RAP1GAP2: variants seen among roughly 807,000 people sequenced by gnomAD.
RAP1GAP2 encodes RAP1 GTPase activating protein 2.
Under a neutral mutation model 95.0 loss-of-function variants are expected in RAP1GAP2, and 27 were observed. The ratio of observed to expected loss-of-function variants is 0.28; its 90% CI spans 0.21 to 0.39. The LOEUF is 0.39. RAP1GAP2 is among the 10% of genes least tolerant of loss of function. RAP1GAP2 has a pLI of 1.00. For synonymous variants in RAP1GAP2, 373 were observed against 380.9 expected (o/e 0.98, Z 0.24); for missense variants, 771 against 970.0 (o/e 0.79, Z 2.72).
chr17:2,860,857 C>G (rs2072354771), intron 2 of RAP1GAP2, among the ~76,000 whole-genome samples: 1 of 152,032 alleles, frequency 6.6e-6, no homozygotes, highest in Non-Finnish European at 1.5e-5. Flanking sequence ...CCTCCTACCT[C>G]AGTCTCCCAA....
chr17:2,951,900 G>T (rs2043936861), intron 3 of RAP1GAP2, among the ~76,000 whole-genome samples: 1 of 151,996 alleles, frequency 6.6e-6, no homozygotes, highest in African/African-American at 2.4e-5. Flanking sequence ...TGGGTTTGGT[G>T]GTGGGCGCCT....
intron 7 of RAP1GAP2, chr17:2,964,659 A>G (rs2044510353): frequency 6.5e-6 from 1 of 153,702 alleles, no homozygotes; most frequent in South Asian, 2.0e-4. Flanking sequence ...CTGTTCGAGG[A>G]AAAATGTGTT....
chr17:2,989,881 C>T (rs1174458349), intron 11 of RAP1GAP2, among the ~76,000 whole-genome samples: 2 of 152,154 alleles, frequency 1.3e-5, no homozygotes, highest in Non-Finnish European at 2.9e-5. Context: ...ACCCCACACT[C>T]ACCAGCAGGC....
chr17:2,957,456 G>C (rs949057162), intron 3 of RAP1GAP2, among the ~76,000 whole-genome samples: 1 of 152,256 alleles, frequency 6.6e-6, no homozygotes, highest in Non-Finnish European at 1.5e-5. Flanking sequence ...ATAGGCGTTT[G>C]CAGAATTTGG....
rs2072680162 is a variant in RAP1GAP2, at chr17:2,867,913, C to G, written c.81-37371C>G. Among the ~76,000 whole-genome samples, 1 of 152,162 alleles carries G rather than the reference C, an allele frequency of 6.6e-6. No homozygotes were observed. Among genetic ancestry groups the G allele is most frequent in the African/African-American group, 2.4e-5 (1 of 41,446 alleles). On this transcript the variant is annotated intron_variant, in intron 2 of 24. Transcript: ENST00000254695. The surrounding 1 kb of genome is among the most constrained non-coding windows in gnomAD (Gnocchi z 4.5). ...TTGGCTGGATGAGGTGTGCTTTCTT[C>G]TTCACGGATGCAGCTCGCGGGATCC... is the stretch of plus-strand genomic sequence containing the variant.
At chr17:2,779,654 G>A (rs1441749532) in intron 1 of RAP1GAP2, among the ~76,000 whole-genome samples, 2 of 152,172 alleles carry the variant, frequency 1.3e-5, no homozygotes, top group African/African-American at 4.8e-5. Context: ...AGAGGAGGGC[G>A]AGGGGAGAGG....
rs561889950 is a variant in RAP1GAP2, at chr17:2,796,865, T to C, written c.44+294T>C. Among the ~76,000 whole-genome samples, 23 of 151,786 alleles carry C rather than the reference T, an allele frequency of 1.5e-4. No homozygotes were observed. ...GCAGTTGAATGTGTGTGTCTCTGTG[T>C]CCGCAGGTTCCCATGTATGTGTGTG... is the stretch of plus-strand genomic sequence containing the variant. On this transcript the variant is annotated intron_variant, in intron 1 of 24. Transcript: ENST00000254695. The surrounding 1 kb of genome is among the most constrained non-coding windows in gnomAD (Gnocchi z 4.7).
intron 8 of RAP1GAP2, among the ~76,000 whole-genome samples, chr17:2,978,498 A>G (rs1166793288): frequency 6.6e-6 from 1 of 152,178 alleles, no homozygotes; most frequent in Admixed American, 6.5e-5. Flanking sequence ...AGATTTCATC[A>G]TGCTATTCAG....
intron 2 of RAP1GAP2, among the ~76,000 whole-genome samples, chr17:2,849,590 C>G (rs1046195024): frequency 6.6e-6 from 1 of 152,210 alleles, no homozygotes; most frequent in African/African-American, 2.4e-5. Context: ...TGTCTCCCGC[C>G]CCAGGCCTGA....
chr17:2,994,705 G>T (rs1407409406), intron 12 of RAP1GAP2, among the ~76,000 whole-genome samples: 4 of 152,250 alleles, frequency 2.6e-5, no homozygotes, highest in Admixed American at 2.0e-4. Flanking sequence ...TGGCACCGGG[G>T]ATGGGCATTT....
At chr17:2,888,297 T>C (rs997526094) in intron 2 of RAP1GAP2, among the ~76,000 whole-genome samples, 1 of 152,346 alleles carries the variant, frequency 6.6e-6, no homozygotes, top group South Asian at 2.1e-4. Flanking sequence ...TCTGCTCTTC[T>C]GGCTATTTGA....
chr17:2,984,443 A>G (rs1597797049), intron 10 of RAP1GAP2, among the ~76,000 whole-genome samples: 1 of 152,162 alleles, frequency 6.6e-6, no homozygotes, highest in Non-Finnish European at 1.5e-5. Context: ...ATTAGATAGA[A>G]CCAGGAGTCA....
At chr17:2,845,837 G>C (rs1159689340) in intron 2 of RAP1GAP2, among the ~76,000 whole-genome samples, 1 of 150,500 alleles carries the variant, frequency 6.6e-6, no homozygotes, top group Admixed American at 6.7e-5. Context: ...CTCTAACCTG[G>C]GTGACAGAGT....
chr17:2,917,078 G>A (rs1567775436), intron 3 of RAP1GAP2, among the ~76,000 whole-genome samples: 1 of 152,270 alleles, frequency 6.6e-6, no homozygotes, highest in East Asian at 1.9e-4. Context: ...TGATTCTCCA[G>A]CCCATCTTTC....
chr17:3,027,002 C>T lies in RAP1GAP2; in HGVS notation c.2039C>T (p.Ser680Phe). The change falls in exon 22 of 25, where the codon TCC becomes TTC. Residue 680 changes from serine (S) to phenylalanine (F), a missense_variant. Transcript: ENST00000254695. The surrounding 1 kb of genome is among the most constrained non-coding windows in gnomAD (Gnocchi z 5.2). ...CAGGAGGTGTTTGTCTACAGCCCGT[C>T]CCCGAGCAGCGAGAGCCCCAGCCTG... ...FKQEVFVYSP[S>F]PSSESPSLGA... is the part of the protein sequence containing the mutation. 1 of 1,563,138 alleles carries T rather than the reference C, an allele frequency of 6.4e-7. No individual in the cohort carries two copies. The highest frequency in any genetic ancestry group is 8.7e-7 in the Non-Finnish European group (1 of 1,153,912).
intron 3 of RAP1GAP2, among the ~76,000 whole-genome samples, chr17:2,931,139 A>ATTATATATGGCC (rs2043135134): frequency 6.6e-6 from 1 of 151,724 alleles, no homozygotes; most frequent in African/African-American, 2.4e-5. Context: ...AAAAAAAAAA[A>ATTATATATGGCC]AAAAAGAAGA....
At chr17:2,883,107 A>G (rs1306588630) in intron 2 of RAP1GAP2, among the ~76,000 whole-genome samples, 1 of 152,152 alleles carries the variant, frequency 6.6e-6, no homozygotes, top group Non-Finnish European at 1.5e-5. Flanking sequence ...AGCAGCTTCC[A>G]GGGGCTACCT....
chr17:3,009,540 C>T (rs7207048), intron 17 of RAP1GAP2, among the ~76,000 whole-genome samples: 31,774 of 152,118 alleles, frequency 0.21, 3,438 homozygotes, highest in Middle Eastern at 0.27. Context: ...CCTCCCACTT[C>T]CTGACTTTGT....
rs36131674 is a variant in RAP1GAP2, at chr17:2,828,312, A to C, written c.80+27762A>C. 4.0e-5 allele frequency among the ~76,000 whole-genome samples: 6 copies of C among 151,142 alleles called. No homozygotes were observed. In the Admixed American group the frequency reaches 4.0e-4, roughly 10 times the overall value. On this transcript the variant is annotated intron_variant, in intron 2 of 24. Transcript: ENST00000254695. ...GCCGAGATCGCGCCATTGCACTCCA[A>C]CCTGGGCGACAGTGAGACTCCATCT... is the stretch of plus-strand genomic sequence containing the variant.
Sources: gnomAD v4.1 joint callset for allele counts (sites outside exome capture counted in the v4.1 genomes callset) on GRCh38, gnomAD v4.1.1 for gene constraint, Gnocchi (gnomAD v3.1) non-coding constraint, MANE v1.5 for transcripts, NCBI Gene and HGNC (gene_info 2026-07-23, HGNC 2026-07-21) for gene names.